Variants in MRPS9 observed in about 807,000 individuals in gnomAD.
The protein encoded by MRPS9 is small ribosomal subunit protein uS9m.
MRPS9 carries 45 observed loss-of-function variants against 59.9 expected under a neutral mutation model. That is an observed-to-expected ratio of 0.75 (90% CI 0.59 to 0.96). MRPS9 has a LOEUF of 0.96. Among genes scored for constraint, MRPS9 ranks in the 40% least tolerant of loss-of-function variants. The probability of loss-of-function intolerance (pLI) is 0.00; values close to 1 mark genes in which losing one functional copy is unlikely to be tolerated. For missense variants in MRPS9, 473 were observed against 481.1 expected, an observed-to-expected ratio of 0.98 and a Z score of 0.16; for synonymous variants, 171 against 166.8, an observed-to-expected ratio of 1.03 and a Z score of -0.19.
chr2:105,049,400 A>G (rs572601828), intron 2 of MRPS9, 50 bp downstream of exon 2: 2 of 1,516,364 alleles, frequency 1.3e-6, no homozygotes, highest in South Asian at 2.4e-5. Context: ...AGTTTTAGAT[A>G]TTAAAAGCAC....
At chr2:105,040,139 A>T (rs1003984536) in intron 1 of MRPS9, among the ~76,000 whole-genome samples, 3 of 152,160 alleles carry the variant, frequency 2.0e-5, no homozygotes, top group Non-Finnish European at 2.9e-5. Flanking sequence ...TTGCATACAT[A>T]TACCTAAAGA....
rs544090625 is a variant in MRPS9 at position 105,094,066 on chromosome 2, A to G, written c.929+428A>G. Among the ~76,000 whole-genome samples, 7 of 152,358 alleles carry G rather than the reference A, an allele frequency of 4.6e-5. No individual in the cohort carries two copies. In the South Asian group the frequency reaches 6.2e-4, roughly 14 times the overall value. ...TAACTCACAAGGCAAAGAAAAGTGC[A>G]AGTAATTTCTTGTGGCTTGTGTATG... On this transcript the variant is annotated intron_variant, in intron 9 of 10. Coordinates refer to ENST00000258455, the MANE Select transcript of MRPS9 (RefSeq NM_182640.3).
At chr2:105,075,915 C>T (rs1279323099) in intron 4 of MRPS9, among the ~76,000 whole-genome samples, 1 of 151,780 alleles carries the variant, frequency 6.6e-6, no homozygotes, top group African/African-American at 2.4e-5. Flanking sequence ...ATCAATAGAT[C>T]CCATTAAGTT....
intron 2 of MRPS9, among the ~76,000 whole-genome samples, chr2:105,070,835 A>ACATGTTTGGAAAAAC: frequency 6.6e-6 from 1 of 152,248 alleles, no homozygotes; most frequent in East Asian, 1.9e-4. Flanking sequence ...GACATGGAAG[A>ACATGTTTGGAAAAAC]AGAACTTGTT....
rs1465278648 is a variant in MRPS9 at position 105,092,421 on chromosome 2, G to A, written c.672G>A (p.Leu224=). Residue 224 remains leucine (L), a synonymous_variant, in exon 8 of 11, where the codon CTG becomes CTA. Coordinates refer to ENST00000258455, the MANE Select transcript of MRPS9 (RefSeq NM_182640.3). ...TGCAGTATATGCAGTTCATTCGGCT[G>A]CTAGAAAAGTTATTGACATCGCAGT... ...SDLDYMQFIR[L]LEKLLTSQCG... 4 of 1,611,900 alleles carry A rather than the reference G, an allele frequency of 2.5e-6. No individual in the cohort carries two copies. Among genetic ancestry groups the A allele is most frequent in the Non-Finnish European group, 3.4e-6 (4 of 1,179,440 alleles).
intron 5 of MRPS9, among the ~76,000 whole-genome samples, chr2:105,083,155 TA>T (rs1280856021): frequency 3.3e-5 from 5 of 152,158 alleles, no homozygotes; most frequent in African/African-American, 9.7e-5. Flanking sequence ...AGAGAAAGAA[TA>T]AAGTTTCCTG....
intron 1 of MRPS9, among the ~76,000 whole-genome samples, chr2:105,041,013 G>A (rs555720979): frequency 6.6e-6 from 1 of 152,312 alleles, no homozygotes; most frequent in Admixed American, 6.5e-5. Flanking sequence ...GCAACAATTG[G>A]TTATAGCATA....
chr2:105,047,263 C>T (rs192630757), intron 1 of MRPS9, among the ~76,000 whole-genome samples: 118 of 152,104 alleles, frequency 7.8e-4, no homozygotes, highest in African/African-American at 2.5e-3. Flanking sequence ...TAAAAATAAA[C>T]TCAAGTTTCA....
At chr2:105,076,248 G>A (rs1202696378) in intron 4 of MRPS9, among the ~76,000 whole-genome samples, 1 of 152,154 alleles carries the variant, frequency 6.6e-6, no homozygotes, top group African/African-American at 2.4e-5. Flanking sequence ...TAGTTACTGG[G>A]CGAAATGCTG....
At chr2:105,053,649 C>T (rs2104443847) in intron 2 of MRPS9, among the ~76,000 whole-genome samples, 1 of 152,278 alleles carries the variant, frequency 6.6e-6, no homozygotes, top group Non-Finnish European at 1.5e-5. Context: ...CACATTCAAT[C>T]AGGTAGAAAC....
chr2:105,053,632 A>C (rs898644889), intron 2 of MRPS9, among the ~76,000 whole-genome samples: 1 of 152,216 alleles, frequency 6.6e-6, no homozygotes, highest in African/African-American at 2.4e-5. Flanking sequence ...AGCTTAGTGA[A>C]TACATTCACA....
chr2:105,062,793 A>G (rs901195036), intron 2 of MRPS9, among the ~76,000 whole-genome samples: 4 of 152,226 alleles, frequency 2.6e-5, no homozygotes, highest in African/African-American at 9.6e-5. Flanking sequence ...CGTAGTAGCC[A>G]CATAGGCTAC....
intron 10 of MRPS9, 45 bp downstream of exon 10, chr2:105,097,369 T>TACGA: frequency 6.9e-7 from 1 of 1,445,992 alleles, no homozygotes. Flanking sequence ...ATACTGGCTA[T>TACGA]ACATGTTCAT....
chr2:105,060,631 A>G (rs1679883603), intron 2 of MRPS9, among the ~76,000 whole-genome samples: 1 of 152,166 alleles, frequency 6.6e-6, no homozygotes, highest in South Asian at 2.1e-4. Context: ...CAGCTCATGG[A>G]AGACTTTATC....
chr2:105,075,103 A>G lies in MRPS9; in HGVS notation c.409+3614A>G, dbSNP rs938810576. On this transcript the variant is annotated intron_variant, in intron 4 of 10. Coordinates refer to ENST00000258455, the MANE Select transcript of MRPS9 (RefSeq NM_182640.3). ...CTTAGATTCTCATAAGGAGCATGCAACCTAGATCCCTCGCATGTGCTGTTC... is the reference window on the plus strand; with the variant it reads ...CTTAGATTCTCATAAGGAGCATGCAGCCTAGATCCCTCGCATGTGCTGTTC... Among the ~76,000 whole-genome samples the G allele has an allele frequency of 5.3e-5, 8 of 152,246 alleles. No homozygotes were observed. In the South Asian group the frequency reaches 1.2e-3, roughly 24 times the overall value.
chr2:105,049,021 T>C (rs12611934), intron 1 of MRPS9, 150 bp from the exon 2 acceptor site: 115,430 of 560,898 alleles, frequency 0.21, 13,118 homozygotes, highest in Middle Eastern at 0.3. Flanking sequence ...TCTTAGCAGG[T>C]CCTTTAAACT....
intron 4 of MRPS9, 60 bp from the exon 5 acceptor site, chr2:105,079,923 G>A: frequency 2.6e-6 from 3 of 1,165,746 alleles, no homozygotes; most frequent in Middle Eastern, 2.0e-4. Flanking sequence ...GTTAAATGCA[G>A]CTATTTGGTC....
chr2:105,078,950 CCTAA>C (rs1283612206), intron 4 of MRPS9, among the ~76,000 whole-genome samples: 4 of 152,216 alleles, frequency 2.6e-5, no homozygotes, highest in Admixed American at 2.6e-4. Flanking sequence ...GGTGGGGAAA[CCTAA>C]CTGTTACAAT....
In MRPS9 at chr2:105,046,309, T is replaced by TA. The variant is rs1679593443; in HGVS notation, c.136-2861dup. ...ACCATCTTCTATTTCATAGAGAAAA[T>TA]AGAGGGTGTAAGACATAAGTAACCT... On this transcript the variant is annotated intron_variant, in intron 1 of 10. Coordinates refer to ENST00000258455, the MANE Select transcript of MRPS9 (RefSeq NM_182640.3). Among the ~76,000 whole-genome samples, 2 of 152,010 alleles carry TA rather than the reference T, an allele frequency of 1.3e-5. 1 individual carries two copies. The highest frequency in any genetic ancestry group is 2.9e-5 in the Non-Finnish European group (2 of 67,956).
Sources: allele counts gnomAD v4.1 joint callset (sites outside exome capture counted in the v4.1 genomes callset), GRCh38; gene constraint gnomAD v4.1.1; transcripts MANE v1.5; gene names NCBI Gene and HGNC (gene_info 2026-07-23, HGNC 2026-07-21).